The following VSTM2B variants were observed in gnomAD, a reference collection of about 807,000 sequenced individuals.
The protein encoded by VSTM2B is V-set and transmembrane domain-containing protein 2B.
A neutral mutation model predicts 24.0 loss-of-function variants in VSTM2B; 24 were observed. That is an observed-to-expected ratio of 1.00 (90% CI 0.72 to 1.40). VSTM2B has a LOEUF of 1.40. Ranked by LOEUF, VSTM2B falls within the 40% of genes most tolerant of loss-of-function variation. The pLI is 0.00. For missense variants in VSTM2B, 399 were observed against 416.4 expected, an observed-to-expected ratio of 0.96 and a Z score of 0.36; for synonymous variants, 226 against 194.4, an observed-to-expected ratio of 1.16 and a Z score of -1.35.
rs1345936879 is a variant in VSTM2B at position 29,526,010 on chromosome 19, G to T, written c.-574G>T. 4.0e-5 allele frequency among the ~76,000 whole-genome samples: 6 copies of T among 151,886 alleles called. No homozygotes were observed. Among genetic ancestry groups the T allele is most frequent in the Admixed American group, 3.9e-4 (6 of 15,260 alleles). On this transcript the variant is annotated 5_prime_UTR_variant, in exon 1 of 5. Transcript: ENST00000335523. The surrounding 1 kb of genome is among the most constrained non-coding windows in gnomAD (Gnocchi z 4.1). ...CCTCTCCCCGCCTCTCTCCGGCTCC[G>T]GGTCCGCCACGCCGGACCCGCTCTC...
intron 4 of VSTM2B, among the ~76,000 whole-genome samples, chr19:29,557,299 C>G (rs1308735519): frequency 2.0e-5 from 3 of 152,190 alleles, no homozygotes; most frequent in Non-Finnish European, 4.4e-5. Flanking sequence ...GAAAGGATTC[C>G]CTATTTAATA....
rs1327207376 is a variant in VSTM2B at position 29,564,137 on chromosome 19, A to G, written c.*203A>G. ...TGCATCTAGTTTCCAAATAATTTGG[A>G]GTTTGGCCCATGCAGTCTGCATGGG... On this transcript the variant is annotated 3_prime_UTR_variant, in exon 5 of 5. Coordinates refer to ENST00000335523, the MANE Select transcript of VSTM2B (RefSeq NM_001146339.2). 2 of 530,974 alleles carry G rather than the reference A, an allele frequency of 3.8e-6. No individual in the cohort carries two copies. The highest frequency in any genetic ancestry group is 6.7e-5 in the East Asian group (2 of 30,050). The allele number at this position is 530,974 out of a possible 1,614,324, so 32.9% of individuals were successfully genotyped here. A position where few individuals can be genotyped will look rare whatever the true frequency, so the allele number is the denominator to read the frequency against.
intron 4 of VSTM2B, among the ~76,000 whole-genome samples, chr19:29,550,813 T>C (rs1201990754): frequency 6.6e-6 from 1 of 150,390 alleles, no homozygotes; most frequent in Admixed American, 6.6e-5. Flanking sequence ...TCATTTTACT[T>C]ACTCTTCTCA....
At chr19:29,530,353 A>G in intron 4 of VSTM2B, 63 bp downstream of exon 4, 1 of 1,386,388 alleles carries the variant, frequency 7.2e-7, no homozygotes. Flanking sequence ...CTGCGCCGGG[A>G]CGCCCCGGGG....
chr19:29,530,363 G>C (rs985542779), intron 4 of VSTM2B, 73 bp downstream of exon 4: 4 of 1,348,436 alleles, frequency 3.0e-6, no homozygotes, highest in Non-Finnish European at 3.8e-6. Context: ...ACGCCCCGGG[G>C]GGCTCCGGAC....
chr19:29,542,391 GT>G (rs374728118), intron 4 of VSTM2B, among the ~76,000 whole-genome samples: 13 of 152,014 alleles, frequency 8.6e-5, no homozygotes, highest in Non-Finnish European at 1.8e-4. Flanking sequence ...GTGTGAATGG[GT>G]GGATGGATGG....
rs928262122 is a variant in VSTM2B, at chr19:29,563,903, A to G, written c.827A>G (p.His276Arg). 3 of 1,552,288 alleles carry G rather than the reference A, an allele frequency of 1.9e-6. No individual in the cohort carries two copies. The highest frequency in any genetic ancestry group is 2.4e-5 in the East Asian group (1 of 40,940). ...TTGTCCCTGCTCCTGTTAGCTCTGC[A>G]TAAGTTCCTGCGCCTGCTCTTGGGA... ...PLLSLLLLAL[H>R]KFLRLLLGH The change falls in exon 5 of 5, where the codon CAT (histidine) becomes CGT (arginine). Residue 276 changes from histidine (H) to arginine (R), a missense_variant. Physicochemically the swap from His to Arg is conservative, Grantham distance 29. Coordinates refer to ENST00000335523, the MANE Select transcript of VSTM2B (RefSeq NM_001146339.2).
intron 4 of VSTM2B, among the ~76,000 whole-genome samples, chr19:29,555,182 G>T (rs906481251): frequency 1.2e-4 from 18 of 152,092 alleles, no homozygotes; most frequent in African/African-American, 4.1e-4. Context: ...CTCAGCAAAT[G>T]CAAAAGAACT....
At chr19:29,528,015 C>T (rs1969631304) in intron 2 of VSTM2B, among the ~76,000 whole-genome samples, 1 of 152,246 alleles carries the variant, frequency 6.6e-6, no homozygotes, top group Non-Finnish European at 1.5e-5. Context: ...CCCAGAGTTA[C>T]TCCCACTGAG....
intron 4 of VSTM2B, among the ~76,000 whole-genome samples, chr19:29,550,026 TG>T (rs779623748): frequency 6.6e-6 from 1 of 152,248 alleles, no homozygotes; most frequent in African/African-American, 2.4e-5. Context: ...CATTCTTAGA[TG>T]ACAGCAAAAG....
intron 1 of VSTM2B, 117 bp from the exon 2 acceptor site, chr19:29,527,094 C>A (rs1329657339): frequency 3.3e-6 from 3 of 917,090 alleles, no homozygotes; most frequent in African/African-American, 1.7e-5. Flanking sequence ...CGCCAGGGAG[C>A]AGCTGCGGGG....
At chr19:29,560,428 G>A (rs1179012581) in intron 4 of VSTM2B, among the ~76,000 whole-genome samples, 3 of 152,174 alleles carry the variant, frequency 2.0e-5, no homozygotes, top group Admixed American at 6.5e-5. Context: ...GACTAGGCTT[G>A]GAAGCCCATC....
chr19:29,537,091 G>A (rs1969908329), intron 4 of VSTM2B, among the ~76,000 whole-genome samples: 1 of 152,206 alleles, frequency 6.6e-6, no homozygotes. Context: ...AGAGTGGTGA[G>A]AAGGCTTCAC....
rs150269791 is a variant in VSTM2B at position 29,561,745 on chromosome 19, A to G, written c.770-2101A>G. Among the ~76,000 whole-genome samples, 372 of 152,302 alleles carry G rather than the reference A, an allele frequency of 2.4e-3. 1 individual carries two copies. Among genetic ancestry groups the G allele is most frequent in the South Asian group, 9.1e-3 (44 of 4,824 alleles). ...TCTCCTGGCTGGATCCCCACTTTCC[A>G]CACACCCGAGCCTCAGGGAACTCCA... On this transcript the variant is annotated intron_variant, in intron 4 of 4. Coordinates refer to ENST00000335523, the MANE Select transcript of VSTM2B (RefSeq NM_001146339.2).
At chr19:29,543,104 T>C (rs1176030989) in intron 4 of VSTM2B, among the ~76,000 whole-genome samples, 1 of 152,196 alleles carries the variant, frequency 6.6e-6, no homozygotes, top group Non-Finnish European at 1.5e-5. Flanking sequence ...CTGGCCCAGA[T>C]TTGCTGATTC....
Position 29,561,421 on chromosome 19 carries a change from C to T in VSTM2B, c.770-2425C>T, listed in dbSNP as rs548095231. On this transcript the variant is annotated intron_variant, in intron 4 of 4. Transcript: ENST00000335523. ...GGTGGATCACCTGAGGTCAGGAGTT[C>T]GAGACAAGCCTGGCCAACATGGTGA... Among the ~76,000 whole-genome samples the T allele has an allele frequency of 1.6e-4, 25 of 152,136 alleles. No homozygotes were observed. In the South Asian group the frequency reaches 3.7e-3, roughly 23 times the overall value.
intron 4 of VSTM2B, among the ~76,000 whole-genome samples, chr19:29,550,846 G>A (rs575313445): frequency 3.0e-4 from 45 of 150,374 alleles, no homozygotes; most frequent in African/African-American, 1.1e-3. Flanking sequence ...AAAAAAAGCA[G>A]CACTGTTTGC....
chr19:29,562,559 G>C (rs1970555333), intron 4 of VSTM2B, among the ~76,000 whole-genome samples: 1 of 152,212 alleles, frequency 6.6e-6, no homozygotes, highest in Non-Finnish European at 1.5e-5. Flanking sequence ...GAGGCCTCCG[G>C]ATGGTGCAGA....
intron 4 of VSTM2B, among the ~76,000 whole-genome samples, chr19:29,555,679 GAAGAGA>G (rs1970389620): frequency 6.6e-6 from 1 of 151,876 alleles, no homozygotes; most frequent in African/African-American, 2.4e-5. Flanking sequence ...TAATAAAGAT[GAAGAGA>G]AAGAAGAATG....
Sources: gnomAD v4.1 joint callset for allele counts (sites outside exome capture counted in the v4.1 genomes callset) on GRCh38, gnomAD v4.1.1 for gene constraint, Gnocchi (gnomAD v3.1) non-coding constraint, MANE v1.5 for transcripts, NCBI Gene and HGNC (gene_info 2026-07-23, HGNC 2026-07-21) for gene names.